UBASH3B: variants seen among roughly 807,000 people sequenced by gnomAD.
The protein encoded by UBASH3B is ubiquitin-associated and SH3 domain-containing protein B.
In UBASH3B, 37 loss-of-function variants were observed where a neutral mutation model predicts 83.4. The ratio of observed to expected loss-of-function variants is 0.44; its 90% CI spans 0.34 to 0.58. The LOEUF is 0.58. UBASH3B is among the 20% of genes least tolerant of loss of function. The pLI, the probability that UBASH3B is intolerant of heterozygous loss-of-function variation, is 0.01. For synonymous variants in UBASH3B, 304 were observed against 318.3 expected (o/e 0.96, Z 0.48); for missense variants, 657 against 827.2 (o/e 0.79, Z 2.52).
At chr11:122,752,008 G>T (rs962056228) in intron 1 of UBASH3B, among the ~76,000 whole-genome samples, 3 of 152,148 alleles carry the variant, frequency 2.0e-5, no homozygotes, top group Non-Finnish European at 4.4e-5. Flanking sequence ...TAAAAAAAGG[G>T]AAAATTAATT....
chr11:122,664,582 G>T (rs1228619594), intron 1 of UBASH3B, among the ~76,000 whole-genome samples: 1 of 152,010 alleles, frequency 6.6e-6, no homozygotes, highest in Admixed American at 6.5e-5. Flanking sequence ...GGCAGTGATC[G>T]CAGTCCTCTG....
At chr11:122,721,238 G>C (rs1860629640) in intron 1 of UBASH3B, among the ~76,000 whole-genome samples, 2 of 103,590 alleles carry the variant, frequency 1.9e-5, no homozygotes, top group Non-Finnish European at 3.7e-5. Flanking sequence ...GAGCAAGACT[G>C]TGTCTCAAAA....
rs140439959 is a variant in UBASH3B at position 122,807,448 on chromosome 11, A to G, written c.1703-619A>G. On this transcript the variant is annotated intron_variant, in intron 12 of 13. Coordinates refer to ENST00000284273, the MANE Select transcript of UBASH3B (RefSeq NM_032873.5). ...CATTTCCTGGGTTTGATACTGTACC[A>G]TAGTTATGTAAGATGTTACCATTGG... 6.6e-4 allele frequency among the ~76,000 whole-genome samples: 101 copies of G among 152,310 alleles called. 1 individual carries two copies. In the East Asian group the frequency reaches 0.018, roughly 27 times the overall value.
At chr11:122,715,037 C>G (rs913553840) in intron 1 of UBASH3B, among the ~76,000 whole-genome samples, 1 of 152,126 alleles carries the variant, frequency 6.6e-6, no homozygotes, top group Non-Finnish European at 1.5e-5. Flanking sequence ...GCTCCGCCTC[C>G]CGGGTTCACG....
chr11:122,710,153 C>CAAAAAAA (rs533815380), intron 1 of UBASH3B, among the ~76,000 whole-genome samples: 1 of 65,256 alleles, frequency 1.5e-5, no homozygotes. Context: ...GAGACTGTCT[C>CAAAAAAA]AAAAAAAAAA....
At position 122,747,564 on chromosome 11, in the gene UBASH3B, C is replaced by A. The variant is rs138583043; in HGVS notation, c.162-28655C>A. Among the ~76,000 whole-genome samples, 1,252 of 152,272 alleles carry A rather than the reference C, an allele frequency of 8.2e-3. 12 individuals are homozygous for A. Among genetic ancestry groups the A allele is most frequent in the African/African-American group, 0.028 (1,178 of 41,534 alleles). On this transcript the variant is annotated intron_variant, in intron 1 of 13. Transcript: ENST00000284273. ...AGACTTGACTGAGCCCCCGTTGGGA[C>A]TGCTGTGAGAAAGAAGCGGGATAAC...
At chr11:122,673,046 C>G (rs1281391086) in intron 1 of UBASH3B, among the ~76,000 whole-genome samples, 34 of 152,190 alleles carry the variant, frequency 2.2e-4, no homozygotes, top group Admixed American at 2.2e-3. Flanking sequence ...AAGATGAGCC[C>G]TCAGCATTCG....
intron 1 of UBASH3B, among the ~76,000 whole-genome samples, chr11:122,773,832 T>C (rs1452804852): frequency 6.6e-6 from 1 of 152,160 alleles, no homozygotes. Context: ...TAGGAAGAAA[T>C]AAATTAAATT....
rs1023505397 is a variant in UBASH3B, at chr11:122,811,783, G to T, written c.*1897G>T. ...GATGATGTGTTAATATAAAATGTTG[G>T]GAGGGAATATTCCCAATAAAGGTCT... On this transcript the variant is annotated 3_prime_UTR_variant, in exon 14 of 14. Transcript: ENST00000284273. 2.6e-5 allele frequency: 4 copies of T among 152,138 alleles called. No individual in the cohort carries two copies. Among genetic ancestry groups the T allele is most frequent in the African/African-American group, 9.7e-5 (4 of 41,416 alleles). The allele number at this position is 152,138 out of a possible 1,614,324, so 9.4% of individuals were successfully genotyped here.
chr11:122,779,913 C>T lies in UBASH3B; in HGVS notation c.601+218C>T, dbSNP rs574523079. On this transcript the variant is annotated intron_variant, in intron 4 of 13. Transcript: ENST00000284273. ...CCCCTCTTCTGCTGACCTGGAGAGA[C>T]CGTCTAAGGCTTATTCCCTAACACC... Among the ~76,000 whole-genome samples the T allele has an allele frequency of 1.8e-3, 274 of 152,310 alleles. 2 individuals are homozygous for T. The highest frequency in any genetic ancestry group is 6.3e-3 in the African/African-American group (260 of 41,558).
At chr11:122,780,621 G>A (rs1303352604) in intron 4 of UBASH3B, among the ~76,000 whole-genome samples, 4 of 152,232 alleles carry the variant, frequency 2.6e-5, no homozygotes, top group Non-Finnish European at 4.4e-5. Context: ...TGTAACATCA[G>A]CTCTGAAAAG....
intron 1 of UBASH3B, among the ~76,000 whole-genome samples, chr11:122,657,821 T>C (rs1863383903): frequency 6.6e-6 from 1 of 152,156 alleles, no homozygotes. Flanking sequence ...ATGTGGGTTC[T>C]GCAGGGGTGT....
rs961037024 is a variant in UBASH3B, at chr11:122,808,648, C to T, written c.1812+472C>T. ...CAAGACAGAAAACCCATGAGGCTGA[C>T]CCACACATCTGGAGTCTTCCTTTCT... On this transcript the variant is annotated intron_variant, in intron 13 of 13. Coordinates refer to ENST00000284273, the MANE Select transcript of UBASH3B (RefSeq NM_032873.5). Among the ~76,000 whole-genome samples, 5 of 152,328 alleles carry T rather than the reference C, an allele frequency of 3.3e-5. No homozygotes were observed. In the East Asian group the frequency reaches 9.6e-4, roughly 29 times the overall value.
At chr11:122,780,464 A>T (rs1485723900) in intron 4 of UBASH3B, among the ~76,000 whole-genome samples, 1 of 152,222 alleles carries the variant, frequency 6.6e-6, no homozygotes, top group Admixed American at 6.5e-5. Context: ...CAGACAGACA[A>T]TCTGGTGGGG....
intron 1 of UBASH3B, among the ~76,000 whole-genome samples, chr11:122,712,900 T>TTTTTTG (rs2135937747): frequency 5.0e-5 from 4 of 79,544 alleles, no homozygotes; most frequent in African/African-American, 2.7e-4. Context: ...TGGGTGGTTT[T>TTTTTTG]TTTTTTTTTT....
intron 13 of UBASH3B, among the ~76,000 whole-genome samples, chr11:122,808,424 G>A (rs542370953): frequency 6.6e-6 from 1 of 152,340 alleles, no homozygotes; most frequent in East Asian, 1.9e-4. Flanking sequence ...GAAGCAGCTA[G>A]GAATTATAAG....
Position 122,801,719 on chromosome 11 carries a change from T to C in UBASH3B, c.1595+387T>C, listed in dbSNP as rs575923200. ...TTCTACGTTTAATTTTTCAAAGCAT[T>C]TTTAAATCTCTGTATTATCTTTGTT... On this transcript the variant is annotated intron_variant, in intron 11 of 13. Transcript: ENST00000284273. 1.8e-4 allele frequency among the ~76,000 whole-genome samples: 28 copies of C among 152,362 alleles called. No homozygotes were observed. In the East Asian group the frequency reaches 4.8e-3, roughly 26 times the overall value.
At chr11:122,686,262 T>C (rs1446113717) in intron 1 of UBASH3B, among the ~76,000 whole-genome samples, 1 of 152,202 alleles carries the variant, frequency 6.6e-6, no homozygotes, top group Admixed American at 6.5e-5. Flanking sequence ...AGCAGGTTTT[T>C]TCTCCTATGA....
At chr11:122,737,328 G>C (rs2135957349) in intron 1 of UBASH3B, among the ~76,000 whole-genome samples, 1 of 152,302 alleles carries the variant, frequency 6.6e-6, no homozygotes, top group South Asian at 2.1e-4. Flanking sequence ...GAGGGGTGAT[G>C]GGGCTTAACA....
Sources: allele counts gnomAD v4.1 joint callset (sites outside exome capture counted in the v4.1 genomes callset), GRCh38; gene constraint gnomAD v4.1.1; transcripts MANE v1.5; gene names NCBI Gene and HGNC (gene_info 2026-07-23, HGNC 2026-07-21).